SIKE1: variants seen among roughly 807,000 people sequenced by gnomAD.
SIKE1 encodes suppressor of IKBKE 1, also known as suppressor of IKK epsilon.
Under a neutral mutation model 25.8 loss-of-function variants are expected in SIKE1, and 13 were observed. The observed-to-expected ratio is 0.50, with a 90% confidence interval of 0.33 to 0.80. The LOEUF is 0.80. Ranked by LOEUF, SIKE1 falls within the 30% of genes least tolerant of loss-of-function variation. The pLI is 0.02. For synonymous variants in SIKE1, 86 were observed against 95.5 expected, an observed-to-expected ratio of 0.90 and a Z score of 0.58; for missense variants, 222 against 252.4, an observed-to-expected ratio of 0.88 and a Z score of 0.82.
chr1:114,778,702 A>T (rs12143357), intron 3 of SIKE1, among the ~76,000 whole-genome samples: 18,452 of 152,214 alleles, frequency 0.12, 1,414 homozygotes, highest in Non-Finnish European at 0.17. Context: ...GATAAACATG[A>T]AAGGAAAATG....
At chr1:114,774,892 T>A (rs1487377558) in intron 4 of SIKE1, among the ~76,000 whole-genome samples, 1 of 152,148 alleles carries the variant, frequency 6.6e-6, no homozygotes, top group Non-Finnish European at 1.5e-5. Flanking sequence ...GTAGGGTAGG[T>A]ATCATTGCCT....
chr1:114,772,378 A>G lies in SIKE1; in HGVS notation c.*1893T>C, dbSNP rs1481368944. 1 of 152,206 alleles carries G rather than the reference A, an allele frequency of 6.6e-6. No individual in the cohort carries two copies. Among genetic ancestry groups the G allele is most frequent in the East Asian group, 1.9e-4 (1 of 5,200 alleles). 9.4% of individuals were successfully genotyped at this position (152,206 alleles called of 1,614,324 possible). ...TCCTCCCCGACTCAATTTTCTAACT[A>G]CATATTATCTTCATAGCATTAACAC... On this transcript the variant is annotated 3_prime_UTR_variant, in exon 5 of 5. Coordinates refer to ENST00000060969, the MANE Select transcript of SIKE1 (RefSeq NM_025073.3).
rs919248763 is a variant in SIKE1 at position 114,774,044 on chromosome 1, G to A, written c.*227C>T. ...AAGGTCCCAGAAATGAAAATTAAAA[G>A]TAGTCTCTTTGAGAAAGGAATGGTG... On this transcript the variant is annotated 3_prime_UTR_variant, in exon 5 of 5. Coordinates refer to ENST00000060969, the MANE Select transcript of SIKE1 (RefSeq NM_025073.3). 4.0e-5 allele frequency: 14 copies of A among 347,048 alleles called. No individual in the cohort carries two copies. The highest frequency in any genetic ancestry group is 3.7e-4 in the Admixed American group (8 of 21,848). The allele number at this position is 347,048 out of a possible 1,614,324, so 21.5% of individuals were successfully genotyped here. A position where few individuals can be genotyped will look rare whatever the true frequency, so the allele number is the denominator to read the frequency against.
At position 114,769,737 on chromosome 1, in the gene SIKE1, C is replaced by T. The variant is rs938391474; in HGVS notation, c.*4534G>A. ...TACATATGTATTTTAGGTCTTTCTA[C>T]ATTCGAACAAATCTATTAAAAAGAG... On this transcript the variant is annotated 3_prime_UTR_variant, in exon 5 of 5. Transcript: ENST00000060969. The T allele has an allele frequency of 1.3e-4, 20 of 152,124 alleles. No homozygotes were observed. The highest frequency in any genetic ancestry group is 4.8e-4 in the African/African-American group (20 of 41,526). The allele number at this position is 152,124 out of a possible 1,614,324, so 9.4% of individuals were successfully genotyped here.
Position 114,774,273 on chromosome 1 carries a change from A to G in SIKE1, c.622T>C (p.Ter208GlnextTer5), listed in dbSNP as rs765788012. The G allele has an allele frequency of 6.2e-7, 1 of 1,606,460 alleles. No homozygotes were observed. Among genetic ancestry groups the G allele is most frequent in the South Asian group, 1.1e-5 (1 of 90,460 alleles). ...SMDTASQAIK* is the reference protein window; with the variant it reads ...SMDTASQAIKQ ...TCCAGCCATCATTCAGAGTTCAGTTATTTGATGGCTTGGGAAGCAGTGTCC... is the reference window on the plus strand; with the variant it reads ...TCCAGCCATCATTCAGAGTTCAGTTGTTTGATGGCTTGGGAAGCAGTGTCC... Residue 208 changes from the stop codon to glutamine (Q), a stop_lost, in exon 5 of 5, where the codon TAA becomes CAA. Transcript: ENST00000060969.
At chr1:114,777,303 T>G (rs1195745334) in intron 3 of SIKE1, among the ~76,000 whole-genome samples, 1 of 152,196 alleles carries the variant, frequency 6.6e-6, no homozygotes, top group East Asian at 1.9e-4. Context: ...TTGTATATGT[T>G]CTATTGATAC....
At chr1:114,779,012 G>A (rs780922746) in intron 3 of SIKE1, 130 bp downstream of exon 3, 5 of 1,089,666 alleles carry the variant, frequency 4.6e-6, no homozygotes, top group East Asian at 2.4e-5. Flanking sequence ...AGCCGAGATC[G>A]TGCCATTACA....
chr1:114,779,997 G>C (rs1570992515), intron 2 of SIKE1, 113 bp downstream of exon 2: 3 of 706,370 alleles, frequency 4.2e-6, no homozygotes, highest in African/African-American at 3.6e-5. Context: ...CAGATCAGGA[G>C]GACTCTCCTA....
Position 114,780,178 on chromosome 1 carries a change from T to A in SIKE1, c.197A>T (p.Lys66Ile), listed in dbSNP as rs1662361133. The A allele has an allele frequency of 6.2e-7, 1 of 1,614,012 alleles. No homozygotes were observed. The highest frequency in any genetic ancestry group is 1.3e-5 in the African/African-American group (1 of 74,992). ...EDASDMKDMS[K>I]YKPHILLSQE... is the part of the protein sequence containing the mutation. ...GGACAGCAGAATGTGAGGTTTGTAT[T>A]TGGACATGTCCTTCATATCGGATGC... The change falls in exon 2 of 5, where the codon AAA (lysine) becomes ATA (isoleucine). Residue 66 changes from lysine to isoleucine, a missense_variant. Coordinates refer to ENST00000060969, the MANE Select transcript of SIKE1 (RefSeq NM_025073.3).
rs1227767942 is a variant in SIKE1 at position 114,771,467 on chromosome 1, G to C, written c.*2804C>G. ...GGGTTTGAATCTTGGTTCCAGTTTGGACAAATAACCACCTCCTTGTGCCTG... is the reference window on the plus strand; with the variant it reads ...GGGTTTGAATCTTGGTTCCAGTTTGCACAAATAACCACCTCCTTGTGCCTG... On this transcript the variant is annotated 3_prime_UTR_variant, in exon 5 of 5. Transcript: ENST00000060969. The C allele has an allele frequency of 1.3e-5, 2 of 152,248 alleles. No individual in the cohort carries two copies. Among genetic ancestry groups the C allele is most frequent in the East Asian group, 3.9e-4 (2 of 5,184 alleles). The allele number at this position is 152,248 out of a possible 1,614,324, so 9.4% of individuals were successfully genotyped here.
chr1:114,780,575 G>A lies in SIKE1; in HGVS notation c.33C>T (p.Asp11=). The part of the protein sequence containing the change: MSCTIEKILT[D]AKTLLERLRE... ...GTAGCCTCTCCAGCAGCGTCTTGGCGTCTGTCAGGATCTTCTCGATGGTGC... is the reference window on the plus strand; with the variant it reads ...GTAGCCTCTCCAGCAGCGTCTTGGCATCTGTCAGGATCTTCTCGATGGTGC... Residue 11 remains aspartate, a synonymous_variant, in exon 1 of 5, where the codon GAC becomes GAT. Coordinates refer to ENST00000060969, the MANE Select transcript of SIKE1 (RefSeq NM_025073.3). The A allele has an allele frequency of 6.2e-7, 1 of 1,613,866 alleles. No homozygotes were observed. Among genetic ancestry groups the A allele is most frequent in the Non-Finnish European group, 8.5e-7 (1 of 1,179,988 alleles).
intron 3 of SIKE1, 134 bp downstream of exon 3, chr1:114,779,008 G>A (rs993155634): frequency 1.1e-5 from 12 of 1,058,956 alleles, no homozygotes; most frequent in Non-Finnish European, 1.7e-5. Flanking sequence ...AGTGAGCCGA[G>A]ATCGTGCCAT....
At chr1:114,776,176 A>G (rs769217349) in intron 4 of SIKE1, among the ~76,000 whole-genome samples, 170 bp downstream of exon 4, 6 of 151,738 alleles carry the variant, frequency 4.0e-5, no homozygotes, top group African/African-American at 9.7e-5. Flanking sequence ...GCTGTTTACT[A>G]TATTTCCTTT....
intron 4 of SIKE1, among the ~76,000 whole-genome samples, chr1:114,775,569 T>C (rs1192090946): frequency 6.6e-6 from 1 of 150,614 alleles, no homozygotes; most frequent in Non-Finnish European, 1.5e-5. Flanking sequence ...GTGGCATGCA[T>C]GATCGTGGCT....
intron 1 of SIKE1, 108 bp from the exon 2 acceptor site, chr1:114,780,323 GAAAA>G: frequency 6.3e-7 from 1 of 1,585,636 alleles, no homozygotes; most frequent in Non-Finnish European, 8.6e-7. Flanking sequence ...CCCGACCCAG[GAAAA>G]TGGTCTCACC....
At chr1:114,776,540 AT>A in intron 3 of SIKE1, 81 bp from the exon 4 acceptor site, 1 of 913,434 alleles carries the variant, frequency 1.1e-6, no homozygotes. Flanking sequence ...GTGCATTACG[AT>A]TTTTAAAAGT....
At position 114,772,842 on chromosome 1, in the gene SIKE1, C is replaced by G. The variant is rs574325706; in HGVS notation, c.*1429G>C. Reference sequence around the variant, plus strand: ...TTGAAAAATTCTTAAATGACATATACCTATTCATTAACACCCACTGCTCTA... The same window carrying G: ...TTGAAAAATTCTTAAATGACATATAGCTATTCATTAACACCCACTGCTCTA... On this transcript the variant is annotated 3_prime_UTR_variant, in exon 5 of 5. Coordinates refer to ENST00000060969, the MANE Select transcript of SIKE1 (RefSeq NM_025073.3). 4 of 152,234 alleles carry G rather than the reference C, an allele frequency of 2.6e-5. No homozygotes were observed. In the South Asian group the frequency reaches 8.3e-4, roughly 32 times the overall value. The allele number at this position is 152,234 out of a possible 1,614,324, so 9.4% of individuals were successfully genotyped here.
In SIKE1 at chr1:114,769,718, T is replaced by C. The variant is rs541033927; in HGVS notation, c.*4553A>G. The C allele has an allele frequency of 6.6e-6, 1 of 152,218 alleles. No homozygotes were observed. The highest frequency in any genetic ancestry group is 2.4e-5 in the African/African-American group (1 of 41,540). 9.4% of individuals were successfully genotyped at this position (152,218 alleles called of 1,614,324 possible). ...AAATAAGTCACTTTAGGGATACATATGTATTTTAGGTCTTTCTACATTCGA... is the reference window on the plus strand; with the variant it reads ...AAATAAGTCACTTTAGGGATACATACGTATTTTAGGTCTTTCTACATTCGA... On this transcript the variant is annotated 3_prime_UTR_variant, in exon 5 of 5. Coordinates refer to ENST00000060969, the MANE Select transcript of SIKE1 (RefSeq NM_025073.3).
intron 3 of SIKE1, chr1:114,778,899 C>A: frequency 6.4e-6 from 3 of 470,728 alleles, no homozygotes; most frequent in South Asian, 6.5e-5. Flanking sequence ...ACAAACAACC[C>A]CACAAAAATT....
Sources: allele counts gnomAD v4.1 joint callset (sites outside exome capture counted in the v4.1 genomes callset), GRCh38; gene constraint gnomAD v4.1.1; transcripts MANE v1.5; gene names NCBI Gene and HGNC (gene_info 2026-07-23, HGNC 2026-07-21).